Variants in ANLN observed in about 807,000 individuals in gnomAD.
ANLN encodes anillin, actin binding protein.
In ANLN, 59 loss-of-function variants were observed where a neutral mutation model predicts 135.1. The observed-to-expected ratio is 0.44, with a 90% CI of 0.35 to 0.54. The LOEUF (loss-of-function observed/expected upper bound fraction) is 0.54, where lower values mean the gene tolerates loss of function less well. Ranked by LOEUF, ANLN falls within the 20% of genes least tolerant of loss-of-function variation. ANLN has a pLI of 0.00. For synonymous variants in ANLN, 406 were observed against 456.4 expected, an observed-to-expected ratio of 0.89 and a Z score of 1.41; for missense variants, 1,182 against 1,340.0, an observed-to-expected ratio of 0.88 and a Z score of 1.84.
At chr7:36,431,992 G>A (rs958367842) in intron 20 of ANLN, among the ~76,000 whole-genome samples, 22 of 152,066 alleles carry the variant, frequency 1.4e-4, no homozygotes, top group African/African-American at 4.6e-4. Flanking sequence ...TGGGAGGATC[G>A]TTTAAAGCCA....
Position 36,452,714 on chromosome 7 carries a change from C to T in ANLN, c.*114C>T. 1 of 1,240,022 alleles carries T rather than the reference C, an allele frequency of 8.1e-7. No homozygotes were observed. Among genetic ancestry groups the T allele is most frequent in the Non-Finnish European group, 1.1e-6 (1 of 880,324 alleles). The allele number at this position is 1,240,022 out of a possible 1,614,324, so 76.8% of individuals were successfully genotyped here. ...GCTTTAAGTACGAAAGGGTTTGTGC[C>T]AATATTCACTACGTATTATGCAGTA... On this transcript the variant is annotated 3_prime_UTR_variant, in exon 24 of 24. Transcript: ENST00000265748.
At chr7:36,437,701 C>T (rs888449405) in intron 20 of ANLN, among the ~76,000 whole-genome samples, 1 of 151,908 alleles carries the variant, frequency 6.6e-6, no homozygotes, top group Non-Finnish European at 1.5e-5. Flanking sequence ...ATCTGAAAAT[C>T]CATTGCTAAA....
intron 1 of ANLN, among the ~76,000 whole-genome samples, chr7:36,393,563 A>C (rs1350098546): frequency 6.6e-6 from 1 of 152,230 alleles, no homozygotes; most frequent in Non-Finnish European, 1.5e-5. Flanking sequence ...AGTTACATGC[A>C]TCCCATGTTC....
intron 20 of ANLN, among the ~76,000 whole-genome samples, chr7:36,433,950 ATGT>A (rs1265190850): frequency 6.6e-6 from 1 of 151,880 alleles, no homozygotes; most frequent in African/African-American, 2.4e-5. Flanking sequence ...AAATATTTTA[ATGT>A]TGTATAAATG....
chr7:36,423,740 C>T lies in ANLN; in HGVS notation c.2477-77C>T, dbSNP rs190566155. 4.4e-5 allele frequency: 58 copies of T among 1,326,172 alleles called. No individual in the cohort carries two copies. The African/African-American group carries it at 6.6e-4, about 15-fold the overall frequency. The allele number at this position is 1,326,172 out of a possible 1,614,324, so 82.2% of individuals were successfully genotyped here. On this transcript the variant is annotated intron_variant, in intron 14 of 23. Transcript: ENST00000265748. ...AAATCAGTTCAATATTCCTTTATTT[C>T]TTTGGTATTCCAGAATGCTGATTAG...
intron 9 of ANLN, among the ~76,000 whole-genome samples, chr7:36,418,154 G>C (rs1261786140): frequency 6.6e-6 from 1 of 152,158 alleles, no homozygotes; most frequent in East Asian, 1.9e-4. Context: ...TCCCTGGGGC[G>C]CCACCCTCCA....
intron 3 of ANLN, among the ~76,000 whole-genome samples, chr7:36,401,276 C>G (rs919065519): frequency 6.6e-6 from 1 of 152,182 alleles, no homozygotes; most frequent in Non-Finnish European, 1.5e-5. Flanking sequence ...TTAGCCAGCT[C>G]AAATTCAAAT....
At chr7:36,404,421 A>G (rs1360496611) in intron 3 of ANLN, among the ~76,000 whole-genome samples, 1 of 152,160 alleles carries the variant, frequency 6.6e-6, no homozygotes, top group Non-Finnish European at 1.5e-5. Context: ...CTTTCTGTGC[A>G]TCTTCCACCT....
chr7:36,441,176 G>A (rs1788755648), intron 21 of ANLN, among the ~76,000 whole-genome samples: 1 of 151,974 alleles, frequency 6.6e-6, no homozygotes, highest in African/African-American at 2.4e-5. Context: ...TTTTATTGTT[G>A]ATGCCTTTAG....
At chr7:36,430,700 T>C (rs1273685469) in intron 20 of ANLN, among the ~76,000 whole-genome samples, 1 of 152,224 alleles carries the variant, frequency 6.6e-6, no homozygotes, top group Non-Finnish European at 1.5e-5. Context: ...CATTCTGGTA[T>C]GCCCTGAACT....
At chr7:36,414,193 C>T (rs920041772) in intron 7 of ANLN, among the ~76,000 whole-genome samples, 10 of 152,016 alleles carry the variant, frequency 6.6e-5, no homozygotes, top group South Asian at 2.1e-4. Flanking sequence ...GAGGAGGGAA[C>T]GGGCAAGAGG....
chr7:36,435,345 A>G (rs1184356164), intron 20 of ANLN, among the ~76,000 whole-genome samples: 1 of 149,102 alleles, frequency 6.7e-6, no homozygotes, highest in East Asian at 2.0e-4. Flanking sequence ...TATTGTTTTT[A>G]TTTTTTATTT....
In ANLN at chr7:36,396,411, G is replaced by T. The variant is rs1192997372; in HGVS notation, c.164G>T (p.Gly55Val). ...SEASNQQPLS[G>V]GEEKSCTKPS... is the part of the protein sequence containing the mutation. ...GCAAGTAACCAGCAGCCCCTCTCTG[G>T]TGGTGAAGGTAAAAGACTTTGTGGG... Residue 55 changes from glycine to valine, a missense_variant, in exon 2 of 24, where the codon GGT (glycine) becomes GTT (valine). This residue lies in a region of ANLN where 1,022 missense variants were observed against 1,134.0 expected (regional missense o/e 0.90). Coordinates refer to ENST00000265748, the MANE Select transcript of ANLN (RefSeq NM_018685.5). The T allele has an allele frequency of 6.4e-7, 1 of 1,572,440 alleles. No homozygotes were observed. The highest frequency in any genetic ancestry group is 1.8e-5 in the Admixed American group (1 of 55,746).
At chr7:36,391,713 T>C (rs912044976) in intron 1 of ANLN, among the ~76,000 whole-genome samples, 22 of 152,212 alleles carry the variant, frequency 1.4e-4, no homozygotes, top group African/African-American at 4.8e-4. Context: ...CTCAGAACCA[T>C]GGTACACAGG....
chr7:36,435,868 G>C (rs1210628508), intron 20 of ANLN, among the ~76,000 whole-genome samples: 1 of 65,224 alleles, frequency 1.5e-5, no homozygotes, highest in African/African-American at 7.0e-5. Flanking sequence ...GCGAGACTCC[G>C]TCTCAAAAAA....
At chr7:36,420,129 A>G (rs1416989525) in intron 10 of ANLN, 40 bp from the exon 11 acceptor site, 2 of 1,578,256 alleles carry the variant, frequency 1.3e-6, no homozygotes, top group East Asian at 2.2e-5. Flanking sequence ...ATGAATTATC[A>G]TTTAGGATCA....
intron 7 of ANLN, among the ~76,000 whole-genome samples, chr7:36,412,330 T>TA (rs1411030309): frequency 8.5e-6 from 1 of 116,972 alleles, no homozygotes; most frequent in Non-Finnish European, 1.8e-5. Context: ...TATATATATT[T>TA]TTTTTTTTTT....
At chr7:36,442,666 C>G (rs745520641) in intron 21 of ANLN, among the ~76,000 whole-genome samples, 1 of 151,968 alleles carries the variant, frequency 6.6e-6, no homozygotes, top group Admixed American at 6.5e-5. Context: ...GAGTCTCACT[C>G]TGTCACCCAG....
intron 3 of ANLN, among the ~76,000 whole-genome samples, chr7:36,400,412 T>G (rs3779229): frequency 0.42 from 63,271 of 151,868 alleles, 13,734 homozygotes; most frequent in African/African-American, 0.51. Flanking sequence ...CAGTCTGGAG[T>G]GCAGCAGCAC....
Sources: gnomAD v4.1 joint callset for allele counts (sites outside exome capture counted in the v4.1 genomes callset) on GRCh38, gnomAD v4.1.1 for gene constraint, gnomAD v4.1.1 regional missense constraint, MANE v1.5 for transcripts, NCBI Gene and HGNC (gene_info 2026-07-23, HGNC 2026-07-21) for gene names.